The following HEBP1 variants were observed in gnomAD, a reference collection of about 807,000 sequenced individuals.
HEBP1 encodes the protein heme-binding protein 1.
A neutral mutation model predicts 20.4 loss-of-function variants in HEBP1; 13 were observed. The observed-to-expected ratio is 0.64, with a 90% CI of 0.42 to 1.01. The LOEUF is 1.01. Ranked by LOEUF, HEBP1 falls within the 50% of genes least tolerant of loss-of-function variation. The pLI, the probability that HEBP1 is intolerant of heterozygous loss-of-function variation, is 0.00. For synonymous variants in HEBP1, 92 were observed against 90.7 expected (o/e 1.01, Z -0.08); for missense variants, 241 against 247.3 (o/e 0.97, Z 0.17).
chr12:12,999,581 A>T (rs369448185), intron 1 of HEBP1, among the ~76,000 whole-genome samples: 1 of 152,340 alleles, frequency 6.6e-6, no homozygotes, highest in East Asian at 1.9e-4. Context: ...TTTCCATTTA[A>T]TAGTTATGGA....
chr12:12,975,304 T>C lies in HEBP1; in HGVS notation c.*4A>G, dbSNP rs377230428. The C allele has an allele frequency of 1.9e-6, 3 of 1,613,000 alleles. No homozygotes were observed. Among genetic ancestry groups the C allele is most frequent in the Non-Finnish European group, 2.5e-6 (3 of 1,179,634 alleles). On this transcript the variant is annotated 3_prime_UTR_variant, in exon 4 of 4. Coordinates refer to ENST00000014930, the MANE Select transcript of HEBP1 (RefSeq NM_015987.5). ...TCCAGTAAGTTCTTGGTTCAGTGGGTCACTCATGTCTTCAACAGCCAGATC... is the reference window on the plus strand; with the variant it reads ...TCCAGTAAGTTCTTGGTTCAGTGGGCCACTCATGTCTTCAACAGCCAGATC...
At position 12,976,096 on chromosome 12, in the gene HEBP1, A is replaced by AC. The variant is rs1357541579; in HGVS notation, c.399-618_399-617insG. Among the ~76,000 whole-genome samples the AC allele has an allele frequency of 1.3e-3, 191 of 151,484 alleles. 2 individuals are homozygous for AC. The highest frequency in any genetic ancestry group is 4.3e-3 in the African/African-American group (178 of 41,350). On this transcript the variant is annotated intron_variant, in intron 3 of 3. Coordinates refer to ENST00000014930, the MANE Select transcript of HEBP1 (RefSeq NM_015987.5). ...CTGTGTCAAAAAAAAAAAAAAAAAA[A>AC]AAACAAACCAAAAACCAAAACTAAA...
intron 3 of HEBP1, chr12:12,984,344 A>G (rs1864125996): frequency 6.6e-6 from 1 of 152,666 alleles, no homozygotes; most frequent in African/African-American, 2.4e-5. Context: ...TATGGTCACC[A>G]ACATCACTCA....
chr12:12,987,084 G>T, intron 3 of HEBP1, 68 bp downstream of exon 3: 6 of 1,295,828 alleles, frequency 4.6e-6, no homozygotes, highest in Non-Finnish European at 5.4e-6. Flanking sequence ...ATGCTTGCCA[G>T]AGGTGATGCA....
chr12:12,994,177 G>C (rs772081076), intron 1 of HEBP1, among the ~76,000 whole-genome samples: 5 of 152,214 alleles, frequency 3.3e-5, no homozygotes, highest in Non-Finnish European at 7.3e-5. Flanking sequence ...TACCATAAGA[G>C]TAAACGAGGA....
At chr12:12,997,653 C>T (rs1390415240) in intron 1 of HEBP1, among the ~76,000 whole-genome samples, 1 of 152,126 alleles carries the variant, frequency 6.6e-6, no homozygotes, top group Non-Finnish European at 1.5e-5. Context: ...GGAAACAGGC[C>T]GAATGGGTCA....
intron 1 of HEBP1, among the ~76,000 whole-genome samples, chr12:12,995,519 G>C (rs1262432851): frequency 6.6e-6 from 1 of 152,166 alleles, no homozygotes; most frequent in Non-Finnish European, 1.5e-5. Flanking sequence ...GGATCTCCTG[G>C]AGAAAAGCTG....
chr12:12,986,472 CTGGTT>C lies in HEBP1; in HGVS notation c.398+675_398+679del, dbSNP rs1555114825. On this transcript the variant is annotated intron_variant, in intron 3 of 3. Transcript: ENST00000014930. This position sits in a 1 kb window ranked among gnomAD's most constrained non-coding sequence, Gnocchi z 4.3. The stretch of plus-strand genomic sequence containing the variant: ...TGAAGATCCTGGTCTTTCCCTGAGC[CTGGTT>C]TGGTGCCTGTCACATGGGAGTGTTT... 1 of 152,216 alleles carries C rather than the reference CTGGTT, an allele frequency of 6.6e-6. No homozygotes were observed. The highest frequency in any genetic ancestry group is 1.5e-5 in the Non-Finnish European group (1 of 68,056). 9.4% of individuals were successfully genotyped at this position (152,216 alleles called of 1,614,324 possible).
At chr12:12,991,662 A>C (rs1255165089) in intron 1 of HEBP1, among the ~76,000 whole-genome samples, 1 of 152,224 alleles carries the variant, frequency 6.6e-6, no homozygotes, top group Non-Finnish European at 1.5e-5. Context: ...ATCACAATCC[A>C]CAAGAAGGAA....
chr12:12,976,242 C>G (rs924267746), intron 3 of HEBP1, among the ~76,000 whole-genome samples: 2 of 152,200 alleles, frequency 1.3e-5, no homozygotes, highest in East Asian at 3.8e-4. Context: ...TTCTTCTGCT[C>G]AAATCATGAA....
intron 3 of HEBP1, chr12:12,983,681 C>G (rs759601): frequency 0.24 from 109,261 of 455,852 alleles, 14,839 homozygotes; most frequent in Admixed American, 0.41. Flanking sequence ...TGTGTGAGAA[C>G]TCCGTGTTAA....
At position 12,987,612 on chromosome 12, in the gene HEBP1, T is replaced by TCTCTCTC. The variant is rs1230851526; in HGVS notation, c.218-281_218-280insGAGAGAG. Among the ~76,000 whole-genome samples the TCTCTCTC allele has an allele frequency of 9.6e-3, 1,131 of 117,766 alleles. 31 individuals are homozygous for TCTCTCTC. Among genetic ancestry groups the TCTCTCTC allele is most frequent in the African/African-American group, 0.026 (860 of 32,556 alleles). 77.3% of individuals were successfully genotyped at this position (117,766 alleles called of 152,430 possible). ...TCTTTCTCTCTCTCTCTCTCTCTCT[T>TCTCTCTC]TCTCTCTCTCTCTCTCTCTCTCTTT... On this transcript the variant is annotated intron_variant, in intron 2 of 3. Transcript: ENST00000014930.
chr12:12,978,211 T>G (rs965800839), intron 3 of HEBP1, among the ~76,000 whole-genome samples: 13 of 138,502 alleles, frequency 9.4e-5, no homozygotes, highest in East Asian at 8.3e-4. Flanking sequence ...TTTTTTTTTT[T>G]TTTTTTTTTT....
Position 12,998,506 on chromosome 12 carries a change from C to T in HEBP1, c.78+1531G>A, listed in dbSNP as rs903867787. On this transcript the variant is annotated intron_variant, in intron 1 of 3. Coordinates refer to ENST00000014930, the MANE Select transcript of HEBP1 (RefSeq NM_015987.5). This position sits in a 1 kb window ranked among gnomAD's most constrained non-coding sequence, Gnocchi z 4.2. ...ATGCCTTATAGCCTAAAACAGCCAGCTTCATCCATTTCCATTACCTGCCTG... is the reference window on the plus strand; with the variant it reads ...ATGCCTTATAGCCTAAAACAGCCAGTTTCATCCATTTCCATTACCTGCCTG... 6.6e-6 allele frequency among the ~76,000 whole-genome samples: 1 copy of T among 152,170 alleles called. No homozygotes were observed. Among genetic ancestry groups the T allele is most frequent in the Non-Finnish European group, 1.5e-5 (1 of 68,026 alleles).
intron 3 of HEBP1, chr12:12,978,974 T>C (rs1202801531): frequency 1.3e-5 from 2 of 152,188 alleles, no homozygotes; most frequent in Non-Finnish European, 2.9e-5. Flanking sequence ...AGATACCAAT[T>C]TGGGAAGGAG....
chr12:12,976,785 G>A (rs929299288), intron 3 of HEBP1, among the ~76,000 whole-genome samples: 4 of 152,232 alleles, frequency 2.6e-5, no homozygotes, highest in Non-Finnish European at 5.9e-5. Flanking sequence ...TAAGGGAGAT[G>A]AAGAAAGTTG....
At position 12,989,306 on chromosome 12, in the gene HEBP1, G is replaced by T. The variant is rs1035210637; in HGVS notation, c.188C>A (p.Ala63Glu). ...EALREAMPKVAKYAGGTNDKG... is the reference protein window; with the variant it reads ...EALREAMPKVEKYAGGTNDKG... ...GTCATTGGTGCCCCCCGCATACTTT[G>T]CGACCTTGGGCATTGCTTCCCGTAG... Residue 63 changes from alanine (A) to glutamate (E), a missense_variant, in exon 2 of 4, where the codon GCA becomes GAA. By Grantham distance (107) the Ala-to-Glu change is moderately radical (BLOSUM62 -1). Coordinates refer to ENST00000014930, the MANE Select transcript of HEBP1 (RefSeq NM_015987.5). 8.7e-6 allele frequency: 14 copies of T among 1,614,180 alleles called. No individual in the cohort carries two copies. The Middle Eastern group carries it at 6.6e-4, about 76-fold the overall frequency.
At chr12:12,993,889 G>T (rs1273051552) in intron 1 of HEBP1, among the ~76,000 whole-genome samples, 3 of 152,296 alleles carry the variant, frequency 2.0e-5, no homozygotes, top group South Asian at 2.1e-4. Context: ...ACACAGGAAA[G>T]GACCACTTAG....
At chr12:12,988,127 T>TA (rs971650844) in intron 2 of HEBP1, among the ~76,000 whole-genome samples, 47 of 152,226 alleles carry the variant, frequency 3.1e-4, no homozygotes, top group Admixed American at 1.2e-3. Context: ...TAGTGGAAAA[T>TA]AATTATGAAA....
Sources: gnomAD v4.1 joint callset for allele counts (sites outside exome capture counted in the v4.1 genomes callset) on GRCh38, gnomAD v4.1.1 for gene constraint, Gnocchi (gnomAD v3.1) non-coding constraint, MANE v1.5 for transcripts, NCBI Gene and HGNC (gene_info 2026-07-23, HGNC 2026-07-21) for gene names.